Variants in SSBP2 observed in about 807,000 individuals in gnomAD.
SSBP2 encodes single stranded DNA binding protein 2.
Under a neutral mutation model 61.8 loss-of-function variants are expected in SSBP2, and 17 were observed. The observed-to-expected ratio is 0.28, with a 90% confidence interval of 0.19 to 0.41. SSBP2 has a LOEUF of 0.41. Ranked by LOEUF, SSBP2 falls within the 10% of genes least tolerant of loss-of-function variation. The pLI is 1.00. For synonymous variants in SSBP2, 139 were observed against 141.3 expected (o/e 0.98, Z 0.12); for missense variants, 310 against 458.7 (o/e 0.68, Z 2.96).
At chr5:81,748,706 A>G (rs536812923) in intron 1 of SSBP2, among the ~76,000 whole-genome samples, 1 of 152,346 alleles carries the variant, frequency 6.6e-6, no homozygotes, top group South Asian at 2.1e-4. Flanking sequence ...TGGAAGAAAT[A>G]TATTTAAATC....
chr5:81,488,056 T>TATAA (rs1468196684), intron 6 of SSBP2, among the ~76,000 whole-genome samples: 1 of 83,712 alleles, frequency 1.2e-5, no homozygotes, highest in Non-Finnish European at 2.0e-5. Context: ...TATATATATA[T>TATAA]ATAAATAAAA....
At chr5:81,681,721 G>A (rs1169916894) in intron 1 of SSBP2, among the ~76,000 whole-genome samples, 1 of 152,000 alleles carries the variant, frequency 6.6e-6, no homozygotes, top group Non-Finnish European at 1.5e-5. Flanking sequence ...GAAAAAATCT[G>A]AGCAGAAATC....
At chr5:81,670,720 G>A (rs1751523973) in intron 1 of SSBP2, among the ~76,000 whole-genome samples, 1 of 151,704 alleles carries the variant, frequency 6.6e-6, no homozygotes, top group Non-Finnish European at 1.5e-5. Context: ...ATTCTCTTTT[G>A]TGATCTTTAC....
intron 1 of SSBP2, among the ~76,000 whole-genome samples, chr5:81,681,168 A>G (rs1752351074): frequency 6.6e-6 from 1 of 152,184 alleles, no homozygotes; most frequent in Non-Finnish European, 1.5e-5. Context: ...ACTTCTAAAC[A>G]CACACACAAG....
At chr5:81,698,998 T>C (rs1753776301) in intron 1 of SSBP2, among the ~76,000 whole-genome samples, 1 of 152,202 alleles carries the variant, frequency 6.6e-6, no homozygotes, top group African/African-American at 2.4e-5. Flanking sequence ...AAGTGAACAC[T>C]ACAATAAAGT....
At chr5:81,682,271 A>C (rs956112256) in intron 1 of SSBP2, among the ~76,000 whole-genome samples, 4 of 152,220 alleles carry the variant, frequency 2.6e-5, no homozygotes, top group Non-Finnish European at 5.9e-5. Context: ...AATATCTCTC[A>C]TGAACACAGA....
At chr5:81,705,676 A>G (rs1295860748) in intron 1 of SSBP2, among the ~76,000 whole-genome samples, 2 of 152,202 alleles carry the variant, frequency 1.3e-5, no homozygotes, top group Non-Finnish European at 2.9e-5. Context: ...TAGCTCCCTC[A>G]TCTTATTCCT....
chr5:81,454,882 C>T (rs1034614432), intron 10 of SSBP2, among the ~76,000 whole-genome samples: 54 of 152,002 alleles, frequency 3.6e-4, no homozygotes, highest in African/African-American at 1.2e-3. Flanking sequence ...CTCTTCTTCT[C>T]CTCTGTAAAA....
At chr5:81,635,030 G>A (rs1748072703) in intron 3 of SSBP2, among the ~76,000 whole-genome samples, 1 of 152,222 alleles carries the variant, frequency 6.6e-6, no homozygotes, top group African/African-American at 2.4e-5. Flanking sequence ...TGTGTCCACA[G>A]TATCAAGCAT....
Position 81,724,091 on chromosome 5 carries a change from C to T in SSBP2, c.62+26890G>A, listed in dbSNP as rs1446180987. On this transcript the variant is annotated intron_variant, in intron 1 of 16. Transcript: ENST00000320672. ...AATTACTAAAAAACACAGCATAATA[C>T]TATGAAAGCACACATTTATTTTTTA... 5.3e-5 allele frequency among the ~76,000 whole-genome samples: 8 copies of T among 151,688 alleles called. No individual in the cohort carries two copies. The South Asian group carries it at 8.3e-4, about 16-fold the overall frequency.
chr5:81,475,075 C>G (rs6877102), intron 6 of SSBP2, among the ~76,000 whole-genome samples: 67,247 of 151,910 alleles, frequency 0.44, 18,697 homozygotes, highest in African/African-American at 0.79. Flanking sequence ...AAGCAATTTG[C>G]GTGTACGGAA....
chr5:81,479,013 T>G (rs1765789139), intron 6 of SSBP2, among the ~76,000 whole-genome samples: 2 of 152,204 alleles, frequency 1.3e-5, no homozygotes, highest in African/African-American at 4.8e-5. Context: ...TCAAATTGGT[T>G]TTCAAAATGA....
chr5:81,499,049 T>TG (rs1243706806), intron 5 of SSBP2, among the ~76,000 whole-genome samples: 2 of 152,198 alleles, frequency 1.3e-5, no homozygotes, highest in African/African-American at 2.4e-5. Flanking sequence ...CAGACATTAC[T>TG]GACACCCCAG....
At chr5:81,482,054 A>T (rs1010722779) in intron 6 of SSBP2, among the ~76,000 whole-genome samples, 3 of 151,866 alleles carry the variant, frequency 2.0e-5, no homozygotes, top group African/African-American at 7.3e-5. Context: ...CAATTCTCTC[A>T]CCTCAGCCTC....
At chr5:81,573,175 GAAA>G (rs1448296056) in intron 4 of SSBP2, among the ~76,000 whole-genome samples, 1 of 152,076 alleles carries the variant, frequency 6.6e-6, no homozygotes, top group African/African-American at 2.4e-5. Flanking sequence ...GGTGCCCCAT[GAAA>G]AAATAACAAA....
intron 4 of SSBP2, among the ~76,000 whole-genome samples, chr5:81,569,887 T>C (rs537177577): frequency 6.6e-6 from 1 of 152,284 alleles, no homozygotes; most frequent in African/African-American, 2.4e-5. Context: ...GTAATAATCA[T>C]GGTAGTGTAA....
In SSBP2 at chr5:81,751,017, C is replaced by T. The variant is rs1406202825; in HGVS notation, c.26G>A (p.Ser9Asn). The T allele has an allele frequency of 8.1e-6, 13 of 1,599,828 alleles. No individual in the cohort carries two copies. Among genetic ancestry groups the T allele is most frequent in the Non-Finnish European group, 1.0e-5 (12 of 1,173,362 alleles). The change falls in exon 1 of 17, where the codon AGC becomes AAC. Residue 9 changes from serine to asparagine, a missense_variant. Around this residue, in one of 4 missense-constraint regions of SSBP2, gnomAD observed 36 missense variants for 27.0 expected, o/e 1.33. Transcript: ENST00000320672. ...CTGGCTGTCGGACGGGACGGCGCTGCTGTTACTCTTGCCTTTGCCGTACAT... is the reference window on the plus strand; with the variant it reads ...CTGGCTGTCGGACGGGACGGCGCTGTTGTTACTCTTGCCTTTGCCGTACAT...
chr5:81,643,977 G>A (rs1435236812), intron 2 of SSBP2, among the ~76,000 whole-genome samples: 1 of 152,170 alleles, frequency 6.6e-6, no homozygotes, highest in African/African-American at 2.4e-5. Context: ...ACTATACTTT[G>A]AAGCAGATCA....
At chr5:81,611,140 A>G (rs563727177) in intron 4 of SSBP2, among the ~76,000 whole-genome samples, 1 of 152,362 alleles carries the variant, frequency 6.6e-6, no homozygotes, top group South Asian at 2.1e-4. Flanking sequence ...AAGACATAGT[A>G]CTTGAAATTG....
Sources: allele counts gnomAD v4.1 joint callset (sites outside exome capture counted in the v4.1 genomes callset), GRCh38; gene constraint gnomAD v4.1.1; regional missense constraint gnomAD v4.1.1; transcripts MANE v1.5; gene names NCBI Gene and HGNC (gene_info 2026-07-23, HGNC 2026-07-21).